The following SGCZ variants were observed in gnomAD, a reference collection of about 807,000 sequenced individuals.
SGCZ encodes the protein zeta-sarcoglycan.
SGCZ carries 40 observed loss-of-function variants against 41.3 expected under a neutral mutation model. The ratio of observed to expected loss-of-function variants is 0.97; its 90% CI spans 0.75 to 1.26. SGCZ has a LOEUF of 1.26. SGCZ is among the 50% of genes most tolerant of loss of function. SGCZ has a pLI of 0.00. For missense variants in SGCZ, 552 were observed against 369.8 expected (o/e 1.49, Z -4.04); for synonymous variants, 206 against 137.5 (o/e 1.50, Z -3.49).
At chr8:14,932,672 G>A (rs11992231) in intron 1 of SGCZ, among the ~76,000 whole-genome samples, 127,583 of 152,004 alleles carry the variant, frequency 0.84, 53,982 homozygotes, top group African/African-American at 0.92. Context: ...AATAGTGTAG[G>A]ATTGTGGATC....
At chr8:15,234,238 C>T (rs1283794539) in intron 1 of SGCZ, among the ~76,000 whole-genome samples, 3 of 152,124 alleles carry the variant, frequency 2.0e-5, no homozygotes, top group Admixed American at 6.5e-5. Context: ...AGTTAAATCT[C>T]GACTGCTAAA....
intron 3 of SGCZ, among the ~76,000 whole-genome samples, chr8:14,316,350 T>C (rs1175578683): frequency 6.6e-6 from 1 of 151,998 alleles, no homozygotes. Context: ...TTCATCTCAA[T>C]AATAAAAGAA....
intron 3 of SGCZ, among the ~76,000 whole-genome samples, chr8:14,274,537 G>T (rs1323407142): frequency 6.6e-6 from 1 of 152,092 alleles, no homozygotes; most frequent in Non-Finnish European, 1.5e-5. Flanking sequence ...TATTTTTCTA[G>T]TGCTATAAGG....
At chr8:14,771,354 T>G in intron 1 of SGCZ, among the ~76,000 whole-genome samples, 1 of 152,154 alleles carries the variant, frequency 6.6e-6, no homozygotes, top group Non-Finnish European at 1.5e-5. Context: ...CATAGGATAT[T>G]TGAAAATTAA....
chr8:14,813,526 T>G (rs2130544573), intron 1 of SGCZ, among the ~76,000 whole-genome samples: 1 of 152,308 alleles, frequency 6.6e-6, no homozygotes, highest in East Asian at 1.9e-4. Flanking sequence ...CAAATAAGAC[T>G]AACAGGGAAA....
intron 1 of SGCZ, among the ~76,000 whole-genome samples, chr8:15,060,216 A>G (rs1804868318): frequency 6.6e-6 from 1 of 152,128 alleles, no homozygotes; most frequent in African/African-American, 2.4e-5. Flanking sequence ...AGACACATGC[A>G]CACATATGTT....
chr8:14,341,220 T>A (rs796729797), intron 2 of SGCZ, among the ~76,000 whole-genome samples: 5 of 152,328 alleles, frequency 3.3e-5, no homozygotes, highest in African/African-American at 1.2e-4. Flanking sequence ...ATATTGTGAA[T>A]AACTTTGCTA....
chr8:14,295,628 T>C (rs12676502), intron 3 of SGCZ, among the ~76,000 whole-genome samples: 21,299 of 152,142 alleles, frequency 0.14, 1,676 homozygotes, highest in Admixed American at 0.21. Flanking sequence ...ATATACATTT[T>C]TGGTCATGGA....
intron 1 of SGCZ, among the ~76,000 whole-genome samples, chr8:15,147,133 A>G (rs920993443): frequency 6.6e-6 from 1 of 152,190 alleles, no homozygotes; most frequent in Non-Finnish European, 1.5e-5. Flanking sequence ...CAGTATACCT[A>G]TGATATTAAT....
intron 4 of SGCZ, among the ~76,000 whole-genome samples, chr8:14,180,550 T>A (rs188887958): frequency 8.6e-5 from 13 of 151,240 alleles, no homozygotes; most frequent in African/African-American, 3.2e-4. Flanking sequence ...CGCAGTCTCA[T>A]TGAAGAAAAA....
At position 15,117,091 on chromosome 8, in the gene SGCZ, G is replaced by A. The variant is rs528912961; in HGVS notation, c.39+120494C>T. On this transcript the variant is annotated intron_variant, in intron 1 of 7. Transcript: ENST00000382080. ...TTCACTTATAAGTATAAATGTACTG[G>A]CAGGGCGCAGTGGCTCATGCCTGTA... Among the ~76,000 whole-genome samples, 5 of 152,224 alleles carry A rather than the reference G, an allele frequency of 3.3e-5. No homozygotes were observed. In the South Asian group the frequency reaches 1.0e-3, roughly 32 times the overall value.
At chr8:14,496,276 C>T (rs971172274) in intron 2 of SGCZ, among the ~76,000 whole-genome samples, 2 of 151,968 alleles carry the variant, frequency 1.3e-5, no homozygotes, top group African/African-American at 4.8e-5. Context: ...ACTACGTTGC[C>T]CAGGTTGGTC....
At chr8:14,665,617 A>G (rs568480873) in intron 1 of SGCZ, among the ~76,000 whole-genome samples, 1 of 152,314 alleles carries the variant, frequency 6.6e-6, no homozygotes, top group South Asian at 2.1e-4. Flanking sequence ...AGATATTTGC[A>G]TTACTATATT....
At chr8:14,100,219 T>A (rs1477724634) in intron 7 of SGCZ, among the ~76,000 whole-genome samples, 1 of 151,952 alleles carries the variant, frequency 6.6e-6, no homozygotes, top group African/African-American at 2.4e-5. Flanking sequence ...GGCTATGATT[T>A]ATTTACAGCA....
At chr8:14,599,435 G>A (rs372848291) in intron 1 of SGCZ, among the ~76,000 whole-genome samples, 2 of 152,164 alleles carry the variant, frequency 1.3e-5, no homozygotes, top group Non-Finnish European at 2.9e-5. Flanking sequence ...AAGTCACACA[G>A]CCACTCTGAC....
chr8:14,992,413 C>G (rs1802046551), intron 1 of SGCZ, among the ~76,000 whole-genome samples: 1 of 147,200 alleles, frequency 6.8e-6, no homozygotes, highest in Non-Finnish European at 1.5e-5. Flanking sequence ...TATTCAACTC[C>G]AAAACTAATG....
chr8:15,074,519 T>G (rs1039616461), intron 1 of SGCZ, among the ~76,000 whole-genome samples: 2 of 152,172 alleles, frequency 1.3e-5, no homozygotes, highest in Non-Finnish European at 2.9e-5. Context: ...TTCATAAATT[T>G]ATTTCCACAT....
chr8:14,826,370 T>G (rs1233045295), intron 1 of SGCZ, among the ~76,000 whole-genome samples: 1 of 152,146 alleles, frequency 6.6e-6, no homozygotes, highest in Non-Finnish European at 1.5e-5. Context: ...TCTTTGCTAT[T>G]GTGAATAGTG....
chr8:14,440,471 C>T (rs552946910), intron 2 of SGCZ, among the ~76,000 whole-genome samples: 3 of 152,084 alleles, frequency 2.0e-5, no homozygotes, highest in South Asian at 4.2e-4. Context: ...AAGTTTCCAT[C>T]GTTTCCTGTG....
Sources: allele counts gnomAD v4.1 joint callset (sites outside exome capture counted in the v4.1 genomes callset), GRCh38; gene constraint gnomAD v4.1.1; transcripts MANE v1.5; gene names NCBI Gene and HGNC (gene_info 2026-07-23, HGNC 2026-07-21).